NKD1: variants seen among roughly 807,000 people sequenced by gnomAD.
NKD1 encodes NKD inhibitor of Wnt signaling pathway 1.
A neutral mutation model predicts 56.0 loss-of-function variants in NKD1; 21 were observed. The observed-to-expected ratio is 0.38, with a 90% CI of 0.27 to 0.54. The LOEUF is 0.54. NKD1 is among the 20% of genes least tolerant of loss of function. The pLI is 0.82. For missense variants in NKD1, 578 were observed against 642.7 expected (o/e 0.90, Z 1.09); for synonymous variants, 263 against 265.7 (o/e 0.99, Z 0.10).
rs148896067 is a variant in NKD1 at position 50,579,199 on chromosome 16, G to A, written c.193-29095G>A. Among the ~76,000 whole-genome samples the A allele has an allele frequency of 7.4e-3, 1,087 of 147,194 alleles. 6 individuals carry two copies. Among genetic ancestry groups the A allele is most frequent in the Admixed American group, 0.012 (175 of 14,774 alleles). On this transcript the variant is annotated intron_variant, in intron 3 of 9. Transcript: ENST00000268459. Reference sequence around the variant, plus strand: ...ACTGTCTTACTCCTGCAGGCTACCCGCTACACACGCACTCTAACCCGCCAC... The same window carrying A: ...ACTGTCTTACTCCTGCAGGCTACCCACTACACACGCACTCTAACCCGCCAC...
intron 3 of NKD1, chr16:50,571,381 T>G: frequency 1.8e-6 from 1 of 570,998 alleles, no homozygotes; most frequent in Non-Finnish European, 2.2e-6. Context: ...GGAACCAGGG[T>G]TTGTGCACAT....
chr16:50,627,715 A>G (rs758594128), intron 6 of NKD1, among the ~76,000 whole-genome samples: 2 of 152,214 alleles, frequency 1.3e-5, no homozygotes, highest in African/African-American at 2.4e-5. Context: ...TCGTTCATGC[A>G]GGAAATACTG....
At chr16:50,562,861 A>G (rs1021762652) in intron 3 of NKD1, among the ~76,000 whole-genome samples, 14 of 151,900 alleles carry the variant, frequency 9.2e-5, no homozygotes, top group African/African-American at 3.1e-4. Flanking sequence ...CTCTCGCTCC[A>G]TGGTTCTCTC....
chr16:50,548,574 G>A lies in NKD1; in HGVS notation c.21G>A (p.Lys7=). 1.4e-6 allele frequency: 2 copies of A among 1,470,390 alleles called. No homozygotes were observed. 91.1% of individuals were successfully genotyped at this position (1,470,390 alleles called of 1,614,324 possible). ...CCAGCATGGGGAAACTTCACTCCAA[G>A]CCGGGTCAGTGCCCCCGCCCGCGCG... MGKLHS[K]PAAVCKRRES... The change falls in exon 1 of 10, where the codon AAG becomes AAA. Residue 7 remains lysine (K), a synonymous_variant. Coordinates refer to ENST00000268459, the MANE Select transcript of NKD1 (RefSeq NM_033119.5).
intron 4 of NKD1, chr16:50,613,710 A>C (rs1055124772): frequency 5.3e-5 from 8 of 151,696 alleles, no homozygotes; most frequent in South Asian, 2.1e-4. Flanking sequence ...GTTAGATTGT[A>C]AAAGCCGAAT....
chr16:50,569,237 G>A (rs1024977098), intron 3 of NKD1, among the ~76,000 whole-genome samples: 2 of 152,170 alleles, frequency 1.3e-5, no homozygotes, highest in Non-Finnish European at 2.9e-5. Context: ...CATACCATGC[G>A]CTGTGCACCA....
chr16:50,566,476 C>G (rs952864309), intron 3 of NKD1, among the ~76,000 whole-genome samples: 4 of 152,242 alleles, frequency 2.6e-5, no homozygotes, highest in African/African-American at 9.6e-5. Context: ...GGAACCCATC[C>G]CTGTGCCTCT....
Position 50,619,084 on chromosome 16 carries a change from GAA to G in NKD1, c.260-2517_260-2516del, listed in dbSNP as rs565833114. Among the ~76,000 whole-genome samples, 372 of 152,320 alleles carry G rather than the reference GAA, an allele frequency of 2.4e-3. 1 individual carries two copies. The highest frequency in any genetic ancestry group is 0.017 in the Middle Eastern group (5 of 292). On this transcript the variant is annotated intron_variant, in intron 4 of 9. Coordinates refer to ENST00000268459, the MANE Select transcript of NKD1 (RefSeq NM_033119.5). Reference sequence around the variant, plus strand: ...TTTCTGATAACTTCCCTTTGAACTTGAAGTTTGGTTTCGACAAGCCTGGCCAG... The same window carrying G: ...TTTCTGATAACTTCCCTTTGAACTTGGTTTGGTTTCGACAAGCCTGGCCAG...
At chr16:50,603,313 G>C (rs1596734989) in intron 3 of NKD1, among the ~76,000 whole-genome samples, 1 of 152,218 alleles carries the variant, frequency 6.6e-6, no homozygotes, top group Non-Finnish European at 1.5e-5. Flanking sequence ...CCTCCCGAGA[G>C]GGGACAAGAG....
At chr16:50,562,197 C>A in intron 3 of NKD1, 1 of 442,846 alleles carries the variant, frequency 2.3e-6, no homozygotes, top group Non-Finnish European at 3.0e-6. Context: ...CTCTTGCTGA[C>A]AGGAAAGAGA....
chr16:50,639,485 C>T lies in NKD1; in HGVS notation c.*5704C>T, dbSNP rs1293735125. ...GCACGTGGGGTGGAATCCCAGTGGC[C>T]CTGCCTTGAGGAGGATGTGCATTAA... On this transcript the variant is annotated 3_prime_UTR_variant, in exon 10 of 10. Transcript: ENST00000268459. The T allele has an allele frequency of 6.6e-6, 1 of 152,214 alleles. No individual in the cohort carries two copies. The allele number at this position is 152,214 out of a possible 1,614,324, so 9.4% of individuals were successfully genotyped here.
intron 3 of NKD1, among the ~76,000 whole-genome samples, chr16:50,561,242 CAG>C (rs1239380881): frequency 1.3e-5 from 2 of 152,050 alleles, no homozygotes; most frequent in Non-Finnish European, 2.9e-5. Flanking sequence ...GCTCAGTCAT[CAG>C]GGGTTGGACA....
chr16:50,593,043 T>G (rs1961403015), intron 3 of NKD1, among the ~76,000 whole-genome samples: 1 of 152,036 alleles, frequency 6.6e-6, no homozygotes, highest in Non-Finnish European at 1.5e-5. Context: ...ATGGAGAGTT[T>G]GTTGTGCAAG....
intron 4 of NKD1, 61 bp from the exon 5 acceptor site, chr16:50,621,541 A>C (rs1962088399): frequency 8.1e-6 from 10 of 1,229,450 alleles, no homozygotes; most frequent in Non-Finnish European, 1.1e-5. Context: ...AGGTGCAGTG[A>C]GCATGGCTGC....
intron 3 of NKD1, among the ~76,000 whole-genome samples, chr16:50,599,348 T>C (rs1961545057): frequency 6.6e-6 from 1 of 152,128 alleles, no homozygotes; most frequent in Admixed American, 6.5e-5. Flanking sequence ...CATTTCCACT[T>C]TCAGCTGGGG....
intron 3 of NKD1, among the ~76,000 whole-genome samples, chr16:50,554,677 C>G: frequency 6.6e-6 from 1 of 152,130 alleles, no homozygotes; most frequent in South Asian, 2.1e-4. Context: ...CTCTGCCACC[C>G]AGGCTGGGGT....
rs769819538 is a variant in NKD1 at position 50,647,159 on chromosome 16, G to A, written c.*13378G>A. The A allele has an allele frequency of 6.6e-6, 1 of 152,216 alleles. No individual in the cohort carries two copies. Among genetic ancestry groups the A allele is most frequent in the Non-Finnish European group, 1.5e-5 (1 of 68,040 alleles). The allele number at this position is 152,216 out of a possible 1,614,324, so 9.4% of individuals were successfully genotyped here. On this transcript the variant is annotated 3_prime_UTR_variant, in exon 10 of 10. Coordinates refer to ENST00000268459, the MANE Select transcript of NKD1 (RefSeq NM_033119.5). ...GGATGGTGGTGTGGTCTCTGTAGTT[G>A]ACCCCATCATCCTTTCTGTCCATAG... is the stretch of plus-strand genomic sequence containing the variant.
At chr16:50,589,744 CTT>C (rs1961314890) in intron 3 of NKD1, among the ~76,000 whole-genome samples, 1 of 107,360 alleles carries the variant, frequency 9.3e-6, no homozygotes, top group Admixed American at 1.1e-4. Context: ...CTTCTCTTCT[CTT>C]CTCTTCTCTT....
intron 3 of NKD1, among the ~76,000 whole-genome samples, chr16:50,587,334 T>G (rs1004785227): frequency 6.6e-6 from 1 of 152,220 alleles, no homozygotes; most frequent in African/African-American, 2.4e-5. Flanking sequence ...GCAAGGCTGG[T>G]GTAGCTATGT....
Sources: allele counts gnomAD v4.1 joint callset (sites outside exome capture counted in the v4.1 genomes callset), GRCh38; gene constraint gnomAD v4.1.1; transcripts MANE v1.5; gene names NCBI Gene and HGNC (gene_info 2026-07-23, HGNC 2026-07-21).